The following ZNRF3 variants were observed in gnomAD, a reference collection of about 807,000 sequenced individuals.
ZNRF3 encodes E3 ubiquitin-protein ligase ZNRF3.
A neutral mutation model predicts 72.5 loss-of-function variants in ZNRF3; 23 were observed. The ratio of observed to expected loss-of-function variants is 0.32; its 90% confidence interval spans 0.23 to 0.45. The LOEUF (loss-of-function observed/expected upper bound fraction) is 0.45, where lower values mean the gene tolerates loss of function less well. ZNRF3 is among the 20% of genes least tolerant of loss of function. ZNRF3 has a pLI of 1.00. For missense variants in ZNRF3, 1,169 were observed against 1,272.1 expected (o/e 0.92, Z 1.23); for synonymous variants, 610 against 545.3 (o/e 1.12, Z -1.65).
chr22:28,922,270 T>C (rs1343719705), intron 1 of ZNRF3, among the ~76,000 whole-genome samples: 1 of 152,178 alleles, frequency 6.6e-6, no homozygotes, highest in Admixed American at 6.5e-5. Context: ...GAATTTTAGT[T>C]TGTTGTAATT....
At position 29,049,795 on chromosome 22, in the gene ZNRF3, G is replaced by A. The variant is rs769335576; in HGVS notation, c.1614G>A (p.Val538=). The part of the protein sequence containing the change: ...SFSCYHGHRS[V]CSGYLADCPG... ...GCTGCTATCACGGCCACCGCTCGGT[G>A]TGCAGTGGCTACCTGGCCGACTGCC... Residue 538 remains valine, a synonymous_variant, in exon 8 of 9, where the codon GTG becomes GTA. Transcript: ENST00000544604. This position sits in a 1 kb window ranked among gnomAD's most constrained non-coding sequence, Gnocchi z 5.2. 1 of 1,606,792 alleles carries A rather than the reference G, an allele frequency of 6.2e-7. No individual in the cohort carries two copies. The highest frequency in any genetic ancestry group is 1.1e-5 in the South Asian group (1 of 90,340).
rs149395849 is a variant in ZNRF3 at position 28,957,160 on chromosome 22, A to G, written c.301-29916A>G. ...AAGTTTTATGGTTTCGAGCCAGGAC[A>G]GTACTTCTTACATTCTGTCTTTGTC... On this transcript the variant is annotated intron_variant, in intron 1 of 8. Coordinates refer to ENST00000544604, the MANE Select transcript of ZNRF3 (RefSeq NM_001206998.2). 8.3e-3 allele frequency among the ~76,000 whole-genome samples: 1,261 copies of G among 152,336 alleles called. 17 individuals are homozygous for G. The highest frequency in any genetic ancestry group is 0.027 in the African/African-American group (1,126 of 41,572).
intron 2 of ZNRF3, among the ~76,000 whole-genome samples, chr22:29,014,420 G>A (rs569526166): frequency 4.6e-4 from 70 of 152,290 alleles, no homozygotes; most frequent in African/African-American, 1.6e-3. Context: ...GATTCCTGAT[G>A]TAGGTGAGAC....
intron 2 of ZNRF3, among the ~76,000 whole-genome samples, chr22:29,029,805 G>A (rs551368715): frequency 3.3e-5 from 5 of 152,132 alleles, no homozygotes; most frequent in Non-Finnish European, 5.9e-5. Flanking sequence ...GAGCCTGCCC[G>A]CCGCCTCTCA....
chr22:28,986,742 G>A (rs530681304), intron 1 of ZNRF3: 1 of 728,496 alleles, frequency 1.4e-6, no homozygotes, highest in South Asian at 6.3e-5. Flanking sequence ...TAAATTTATG[G>A]TATTTCACAG....
Position 29,048,372 on chromosome 22 carries a change from C to T in ZNRF3, c.913-17C>T. The T allele has an allele frequency of 6.2e-7, 1 of 1,610,198 alleles. No individual in the cohort carries two copies. Among genetic ancestry groups the T allele is most frequent in the Non-Finnish European group, 8.5e-7 (1 of 1,177,196 alleles). The stretch of plus-strand genomic sequence containing the variant: ...CGAGGCTGAAGGCAGACTTGTGTCC[C>T]CTCTCTCCCTGCCCAGGAGCTGCGG... On this transcript the variant is annotated splice_polypyrimidine_tract_variant and intron_variant, in intron 6 of 8. Coordinates refer to ENST00000544604, the MANE Select transcript of ZNRF3 (RefSeq NM_001206998.2). This position sits in a 1 kb window ranked among gnomAD's most constrained non-coding sequence, Gnocchi z 4.9.
intron 1 of ZNRF3, among the ~76,000 whole-genome samples, chr22:28,928,154 A>C (rs2123775344): frequency 6.6e-6 from 1 of 152,318 alleles, no homozygotes; most frequent in African/African-American, 2.4e-5. Flanking sequence ...ATTTTTGCCC[A>C]ATCTTTTTTA....
chr22:28,917,365 G>C, intron 1 of ZNRF3: 1 of 966,626 alleles, frequency 1.0e-6, no homozygotes, highest in Non-Finnish European at 1.2e-6. Context: ...AACTCCTCAG[G>C]AGGCTGTGTT....
At chr22:28,928,851 A>T (rs914421171) in intron 1 of ZNRF3, among the ~76,000 whole-genome samples, 2 of 152,210 alleles carry the variant, frequency 1.3e-5, no homozygotes, top group African/African-American at 4.8e-5. Context: ...CAAGGTTCCC[A>T]TAAGGTATTT....
Position 28,883,755 on chromosome 22 carries a change from C to G in ZNRF3, c.-12C>G, listed in dbSNP as rs1343966881. 3.2e-5 allele frequency: 31 copies of G among 980,984 alleles called. No homozygotes were observed. Among genetic ancestry groups the G allele is most frequent in the Non-Finnish European group, 3.7e-5 (31 of 828,060 alleles). 60.8% of individuals were successfully genotyped at this position (980,984 alleles called of 1,614,324 possible). The stretch of plus-strand genomic sequence containing the variant: ...GCCGCGCCCGCCCTCCGCGCCCTCC[C>G]GCCGCAGGACCATGAGGCCGCGCTC... On this transcript the variant is annotated 5_prime_UTR_variant, in exon 1 of 9. Transcript: ENST00000544604. This position sits in a 1 kb window ranked among gnomAD's most constrained non-coding sequence, Gnocchi z 5.5.
rs2034607043 is a variant in ZNRF3 at position 28,926,629 on chromosome 22, C to T, written c.300+42563C>T. Among the ~76,000 whole-genome samples the T allele has an allele frequency of 2.6e-5, 4 of 151,024 alleles. No individual in the cohort carries two copies. In the South Asian group the frequency reaches 6.3e-4, roughly 24 times the overall value. Reference sequence around the variant, plus strand: ...TCGAGACCAGCCTGGCCAGTGAAACCCCATCTCTACTAAAAATACAGAAAT... The same window carrying T: ...TCGAGACCAGCCTGGCCAGTGAAACTCCATCTCTACTAAAAATACAGAAAT... On this transcript the variant is annotated intron_variant, in intron 1 of 8. Transcript: ENST00000544604.
At chr22:28,957,668 T>C (rs1269287831) in intron 1 of ZNRF3, among the ~76,000 whole-genome samples, 1 of 151,848 alleles carries the variant, frequency 6.6e-6, no homozygotes, top group Non-Finnish European at 1.5e-5. Context: ...CTCAAACTCC[T>C]GGCCTTGTGA....
At chr22:28,993,166 CT>C (rs1327200224) in intron 2 of ZNRF3, among the ~76,000 whole-genome samples, 1 of 152,210 alleles carries the variant, frequency 6.6e-6, no homozygotes, top group Non-Finnish European at 1.5e-5. Context: ...GCAGTGGCAT[CT>C]ATTCTGGTTG....
intron 1 of ZNRF3, among the ~76,000 whole-genome samples, chr22:28,903,722 T>C (rs2034153928): frequency 6.6e-6 from 1 of 152,010 alleles, no homozygotes; most frequent in South Asian, 2.1e-4. Context: ...TGAAGGTGTG[T>C]TTTTTGTGTG....
chr22:28,902,759 G>A (rs1006053384), intron 1 of ZNRF3, among the ~76,000 whole-genome samples: 4 of 152,108 alleles, frequency 2.6e-5, no homozygotes, highest in Non-Finnish European at 4.4e-5. Flanking sequence ...TTTTCCTAGC[G>A]TTGTTATGAG....
intron 1 of ZNRF3, among the ~76,000 whole-genome samples, chr22:28,887,570 C>A (rs1012384495): frequency 9.2e-5 from 14 of 152,022 alleles, no homozygotes; most frequent in Admixed American, 2.0e-4. Context: ...ATGTCTCCAT[C>A]TGTGAAAGTT....
At chr22:28,906,404 T>C (rs1268800762) in intron 1 of ZNRF3, among the ~76,000 whole-genome samples, 1 of 152,154 alleles carries the variant, frequency 6.6e-6, no homozygotes, top group African/African-American at 2.4e-5. Flanking sequence ...ATTCTTGCCA[T>C]GTAAGGGGCA....
intron 8 of ZNRF3, among the ~76,000 whole-genome samples, chr22:29,051,412 G>A (rs1392247990): frequency 6.6e-6 from 1 of 152,020 alleles, no homozygotes; most frequent in Non-Finnish European, 1.5e-5. Flanking sequence ...GGGATATTAT[G>A]TAGGAGCCAC....
intron 1 of ZNRF3, among the ~76,000 whole-genome samples, chr22:28,980,242 A>G (rs989852321): frequency 6.6e-6 from 1 of 152,098 alleles, no homozygotes; most frequent in African/African-American, 2.4e-5. Context: ...GGGAAGGGGA[A>G]TGGATTATGG....
Sources: gnomAD v4.1 joint callset for allele counts (sites outside exome capture counted in the v4.1 genomes callset) on GRCh38, gnomAD v4.1.1 for gene constraint, Gnocchi (gnomAD v3.1) non-coding constraint, MANE v1.5 for transcripts, NCBI Gene and HGNC (gene_info 2026-07-23, HGNC 2026-07-21) for gene names.